Variants in NSMAF observed in about 807,000 individuals in gnomAD.
NSMAF encodes the protein neutral sphingomyelinase activation associated factor, also known as protein FAN.
A neutral mutation model predicts 134.9 loss-of-function variants in NSMAF; 90 were observed. The ratio of observed to expected loss-of-function variants is 0.67; its 90% CI spans 0.56 to 0.79. The LOEUF is 0.79. Ranked by LOEUF, NSMAF falls within the 30% of genes least tolerant of loss-of-function variation. The pLI is 0.00. For missense variants in NSMAF, 1,010 were observed against 1,119.0 expected (o/e 0.90, Z 1.39); for synonymous variants, 358 against 389.6 (o/e 0.92, Z 0.96).
At chr8:58,632,685 G>A (rs977298146) in intron 5 of NSMAF, among the ~76,000 whole-genome samples, 13 of 152,150 alleles carry the variant, frequency 8.5e-5, no homozygotes, top group South Asian at 2.1e-4. Flanking sequence ...GCTTTAAAAA[G>A]TCTCTAGAAA....
chr8:58,595,875 A>T, intron 21 of NSMAF: 1 of 446,162 alleles, frequency 2.2e-6, no homozygotes, highest in Admixed American at 3.5e-5. Flanking sequence ...ATAATACTAG[A>T]ATCTTTTTAT....
chr8:58,659,204 C>G, intron 1 of NSMAF: 2 of 1,453,358 alleles, frequency 1.4e-6, no homozygotes, highest in Non-Finnish European at 1.8e-6. Flanking sequence ...CCCTCCCCTG[C>G]GAACGCCCGG....
At chr8:58,644,936 T>C (rs137894141) in intron 1 of NSMAF, among the ~76,000 whole-genome samples, 4,100 of 151,480 alleles carry the variant, frequency 0.027, 203 homozygotes, top group African/African-American at 0.093. Flanking sequence ...CACAGGGAGG[T>C]GAACATCACA....
chr8:58,619,675 A>G (rs192396044), intron 9 of NSMAF, among the ~76,000 whole-genome samples: 1 of 152,290 alleles, frequency 6.6e-6, no homozygotes, highest in Non-Finnish European at 1.5e-5. Context: ...TTAATAACAT[A>G]CCATTTATAA....
At chr8:58,587,452 T>G (rs1585722919) in intron 27 of NSMAF, among the ~76,000 whole-genome samples, 166 bp downstream of exon 27, 1 of 152,232 alleles carries the variant, frequency 6.6e-6, no homozygotes, top group Admixed American at 6.5e-5. Context: ...CAAAGTAGAC[T>G]TGGAAACCTA....
At chr8:58,598,490 C>CAAAAAAAAAAAAAAA (rs71250204) in intron 19 of NSMAF, among the ~76,000 whole-genome samples, 95 of 125,974 alleles carry the variant, frequency 7.5e-4, no homozygotes, top group Non-Finnish European at 9.8e-4. Context: ...CTGTCTCAAA[C>CAAAAAAAAAAAAAAA]AAAAAAAAAA....
At chr8:58,623,619 G>T in intron 7 of NSMAF, 90 bp downstream of exon 7, 1 of 1,181,524 alleles carries the variant, frequency 8.5e-7, no homozygotes, top group Non-Finnish European at 1.2e-6. Context: ...GAAAACAGAT[G>T]ATGATTTGGG....
intron 1 of NSMAF, among the ~76,000 whole-genome samples, chr8:58,653,104 T>A (rs931868086): frequency 6.6e-6 from 1 of 152,138 alleles, no homozygotes; most frequent in Non-Finnish European, 1.5e-5. Flanking sequence ...AGTTAAGTGT[T>A]CCAAGGTTCT....
chr8:58,609,503 T>C (rs1806478485), intron 10 of NSMAF, 101 bp downstream of exon 10: 2 of 1,231,656 alleles, frequency 1.6e-6, no homozygotes, highest in Admixed American at 3.7e-5. Flanking sequence ...GGGACATGAC[T>C]TGATCCTCAT....
At chr8:58,607,729 T>C in intron 11 of NSMAF, 40 bp downstream of exon 11, 1 of 1,496,892 alleles carries the variant, frequency 6.7e-7, no homozygotes, top group Non-Finnish European at 9.3e-7. Context: ...AAACTGAAAG[T>C]GTGACAATCA....
At chr8:58,599,500 TC>T in intron 18 of NSMAF, 137 bp from the exon 19 acceptor site, 1 of 1,090,766 alleles carries the variant, frequency 9.2e-7, no homozygotes, top group South Asian at 1.8e-5. Context: ...TCTTTTTCTA[TC>T]ATATGAAATG....
At chr8:58,656,428 T>C (rs947338521) in intron 1 of NSMAF, among the ~76,000 whole-genome samples, 2 of 152,264 alleles carry the variant, frequency 1.3e-5, no homozygotes, top group African/African-American at 4.8e-5. Flanking sequence ...CACTTTATAG[T>C]TATTCAAACC....
At position 58,602,047 on chromosome 8, in the gene NSMAF, A is replaced by G. The variant is rs1184576226; in HGVS notation, c.1125+11T>C. 1.2e-6 allele frequency: 2 copies of G among 1,603,332 alleles called. No individual in the cohort carries two copies. Among genetic ancestry groups the G allele is most frequent in the Non-Finnish European group, 1.7e-6 (2 of 1,172,816 alleles). On this transcript the variant is annotated intron_variant, in intron 14 of 30. Coordinates refer to ENST00000038176, the MANE Select transcript of NSMAF (RefSeq NM_003580.4). ...GTTGCTTAGAAACCAAGAATCTCTA[A>G]GTCCACATACCAGTAGTCTCTCCAG... is the stretch of plus-strand genomic sequence containing the variant.
At chr8:58,590,196 C>A (rs1805990781) in intron 24 of NSMAF, 122 bp from the exon 25 acceptor site, 7 of 789,550 alleles carry the variant, frequency 8.9e-6, no homozygotes, top group Non-Finnish European at 1.2e-5. Context: ...GGCTCTCCTC[C>A]TATTTACGCA....
rs777846753 is a variant in NSMAF, at chr8:58,601,339, T to C, written c.1226A>G (p.Tyr409Cys). The part of the protein sequence containing the change: ...LFYLVRIAPE[Y>C]MLCLQNGRFD... ...TCTTCCATTCTGCAGGCACAGCATA[T>C]ACTCTGGTGCTAGAGGGGAAAAAGT... Residue 409 changes from tyrosine to cysteine, a missense_variant, in exon 16 of 31, where the codon TAT becomes TGT. Transcript: ENST00000038176. 3 of 1,613,910 alleles carry C rather than the reference T, an allele frequency of 1.9e-6. No individual in the cohort carries two copies. The highest frequency in any genetic ancestry group is 1.7e-4 in the Middle Eastern group (1 of 6,058).
At chr8:58,653,257 G>A (rs1807627233) in intron 1 of NSMAF, among the ~76,000 whole-genome samples, 1 of 151,914 alleles carries the variant, frequency 6.6e-6, no homozygotes, top group African/African-American at 2.4e-5. Context: ...AGGGAGCAAG[G>A]GGGCCTTATT....
At chr8:58,591,411 C>T (rs1404117877) in intron 23 of NSMAF, among the ~76,000 whole-genome samples, 1 of 148,844 alleles carries the variant, frequency 6.7e-6, no homozygotes, top group Non-Finnish European at 1.5e-5. Flanking sequence ...GAACCACTGA[C>T]TTTCTAAATA....
Position 58,595,545 on chromosome 8 carries a change from CAG to C in NSMAF, c.1892+13_1892+14del. ...AGGACTATCAGCTGCTGAGAAGAAGCAGAGATATTCTTACTCTTTGTGGATTT... is the reference window on the plus strand; with the variant it reads ...AGGACTATCAGCTGCTGAGAAGAAGCAGATATTCTTACTCTTTGTGGATTT... On this transcript the variant is annotated intron_variant, in intron 22 of 30. Transcript: ENST00000038176. 3 of 1,564,892 alleles carry C rather than the reference CAG, an allele frequency of 1.9e-6. No homozygotes were observed. The highest frequency in any genetic ancestry group is 1.7e-5 in the Admixed American group (1 of 59,950).
Position 58,642,983 on chromosome 8 carries a change from C to A in NSMAF, c.149+1G>T. On this transcript the variant is annotated splice_donor_variant, in intron 2 of 30. Transcript: ENST00000038176. LOFTEE classifies it high-confidence loss of function. The stretch of plus-strand genomic sequence containing the variant: ...CCAAGGAGATACCGAAGCTTCCTTA[C>A]CTTTCATGGTGACTGCCCTTGTGCA... 1 of 1,609,232 alleles carries A rather than the reference C, an allele frequency of 6.2e-7. No homozygotes were observed. Among genetic ancestry groups the A allele is most frequent in the Non-Finnish European group, 8.5e-7 (1 of 1,175,568 alleles).
Sources: gnomAD v4.1 joint callset for allele counts (sites outside exome capture counted in the v4.1 genomes callset) on GRCh38, gnomAD v4.1.1 for gene constraint, MANE v1.5 for transcripts, NCBI Gene and HGNC (gene_info 2026-07-23, HGNC 2026-07-21) for gene names.